AKT3: variants seen among roughly 807,000 people sequenced by gnomAD.
AKT3 encodes the protein AKT serine/threonine kinase 3.
Under a neutral mutation model 65.3 loss-of-function variants are expected in AKT3, and 15 were observed. The ratio of observed to expected loss-of-function variants is 0.23; its 90% CI spans 0.15 to 0.35. The LOEUF (loss-of-function observed/expected upper bound fraction) is 0.35, where lower values mean the gene tolerates loss of function less well. AKT3 is among the 10% of genes least tolerant of loss of function. AKT3 has a pLI of 1.00. For synonymous variants in AKT3, 206 were observed against 183.8 expected, an observed-to-expected ratio of 1.12 and a Z score of -0.98; for missense variants, 243 against 576.5, an observed-to-expected ratio of 0.42 and a Z score of 5.92.
At chr1:243,752,156 T>C (rs994558569) in intron 2 of AKT3, among the ~76,000 whole-genome samples, 2 of 152,088 alleles carry the variant, frequency 1.3e-5, no homozygotes, top group Non-Finnish European at 2.9e-5. Flanking sequence ...AATCATTAAA[T>C]GAGAGAACAT....
At chr1:243,557,357 T>C (rs1487189150) in intron 10 of AKT3, among the ~76,000 whole-genome samples, 2 of 152,050 alleles carry the variant, frequency 1.3e-5, no homozygotes, top group Non-Finnish European at 2.9e-5. Flanking sequence ...AAAATTAAAC[T>C]TCATGCTTAA....
At chr1:243,559,313 T>C (rs1385543186) in intron 10 of AKT3, among the ~76,000 whole-genome samples, 1 of 152,162 alleles carries the variant, frequency 6.6e-6, no homozygotes, top group African/African-American at 2.4e-5. Flanking sequence ...CTGTAACCTG[T>C]TAAAAACACA....
chr1:243,781,170 T>C (rs1690887367), intron 2 of AKT3, among the ~76,000 whole-genome samples: 1 of 152,126 alleles, frequency 6.6e-6, no homozygotes, highest in South Asian at 2.1e-4. Context: ...ATACCACATA[T>C]ATAAACCCTT....
chr1:243,635,277 C>G (rs1679892780), intron 6 of AKT3, among the ~76,000 whole-genome samples: 1 of 151,390 alleles, frequency 6.6e-6, no homozygotes, highest in African/African-American at 2.4e-5. Context: ...TGGGATGCCA[C>G]AAAAACAGTG....
chr1:243,661,289 G>A (rs1285192708), intron 4 of AKT3, among the ~76,000 whole-genome samples: 4 of 152,160 alleles, frequency 2.6e-5, no homozygotes, highest in African/African-American at 4.8e-5. Context: ...GAGGCATCAT[G>A]CTACCTGACT....
At position 243,699,465 on chromosome 1, in the gene AKT3, C is replaced by CTATATATATA. The variant is rs58911364; in HGVS notation, c.47-3759_47-3750dup. Among the ~76,000 whole-genome samples the CTATATATATA allele has an allele frequency of 2.2e-3, 228 of 103,488 alleles. 4 individuals carry two copies. The highest frequency in any genetic ancestry group is 4.5e-3 in the African/African-American group (92 of 20,386). The allele number at this position is 103,488 out of a possible 152,430, so 67.9% of individuals were successfully genotyped here. ...AAGACTTCCAACCCAACCTCTTCCACTATATATATATATATATATATATAT... is the reference window on the plus strand; with the variant it reads ...AAGACTTCCAACCCAACCTCTTCCACTATATATATATATATATATATATATATATATATAT... On this transcript the variant is annotated intron_variant, in intron 2 of 13. Transcript: ENST00000673466.
At chr1:243,613,553 C>A (rs61366358) in intron 8 of AKT3, 118 bp downstream of exon 8, 47 of 650,280 alleles carry the variant, frequency 7.2e-5, no homozygotes, top group Non-Finnish European at 1.0e-4. Context: ...GTATTAAGAG[C>A]TACATAAATT....
intron 8 of AKT3, among the ~76,000 whole-genome samples, chr1:243,603,701 T>G (rs529585176): frequency 6.6e-6 from 1 of 152,172 alleles, no homozygotes; most frequent in Non-Finnish European, 1.5e-5. Context: ...AAATATAGCA[T>G]GATCTGCTTA....
At chr1:243,672,111 C>T (rs1683194169) in intron 3 of AKT3, among the ~76,000 whole-genome samples, 1 of 152,158 alleles carries the variant, frequency 6.6e-6, no homozygotes, top group African/African-American at 2.4e-5. Flanking sequence ...ATGTGTTTGC[C>T]TCTGGTTCTC....
chr1:243,756,171 A>G (rs954580348), intron 2 of AKT3, among the ~76,000 whole-genome samples: 3 of 152,234 alleles, frequency 2.0e-5, no homozygotes, highest in African/African-American at 7.2e-5. Flanking sequence ...CAGATGCAGA[A>G]ATCGTAAGAA....
intron 13 of AKT3, among the ~76,000 whole-genome samples, chr1:243,492,162 G>A (rs1236295560): frequency 6.6e-6 from 1 of 151,900 alleles, no homozygotes; most frequent in Non-Finnish European, 1.5e-5. Context: ...GGCTGGCAGA[G>A]GGAGCCCCTG....
chr1:243,684,371 C>A (rs536034752), intron 3 of AKT3, among the ~76,000 whole-genome samples: 22 of 152,078 alleles, frequency 1.4e-4, no homozygotes, highest in African/African-American at 5.3e-4. Context: ...TGTGTTCTCA[C>A]TGTTCAACTC....
chr1:243,490,001 C>T (rs938939337), intron 13 of AKT3, among the ~76,000 whole-genome samples: 1 of 152,186 alleles, frequency 6.6e-6, no homozygotes, highest in African/African-American at 2.4e-5. Context: ...GTGGGCTGAC[C>T]AAGGCCTCCG....
At chr1:243,749,076 TCTCC>T (rs1211997147) in intron 2 of AKT3, among the ~76,000 whole-genome samples, 3 of 152,108 alleles carry the variant, frequency 2.0e-5, no homozygotes, top group Non-Finnish European at 4.4e-5. Context: ...TCCTTCATTC[TCTCC>T]CTATTTTCTC....
At chr1:243,724,244 G>GGAA (rs1416874364) in intron 2 of AKT3, among the ~76,000 whole-genome samples, 1 of 146,868 alleles carries the variant, frequency 6.8e-6, no homozygotes, top group African/African-American at 2.5e-5. Context: ...AAAATTGAGG[G>GGAA]GAAAAAAAAA....
chr1:243,501,410 C>T lies in AKT3; in HGVS notation c.*3839G>A, dbSNP rs1669286492. 4.3e-6 allele frequency: 1 copy of T among 233,210 alleles called. No homozygotes were observed. Among genetic ancestry groups the T allele is most frequent in the African/African-American group, 2.2e-5 (1 of 45,444 alleles). 14.4% of individuals were successfully genotyped at this position (233,210 alleles called of 1,614,324 possible). On this transcript the variant is annotated 3_prime_UTR_variant, in exon 14 of 14. Transcript: ENST00000673466. ...CATTCCTTCAGATTCTGGGTCCAAA[C>T]CGTGTGTTGTATAGATGATTCGGGT...
chr1:243,811,913 C>T (rs575750849), intron 2 of AKT3, among the ~76,000 whole-genome samples: 1 of 152,140 alleles, frequency 6.6e-6, no homozygotes, highest in African/African-American at 2.4e-5. Flanking sequence ...CAAAAACAAG[C>T]AATGGGGAAA....
intron 2 of AKT3, among the ~76,000 whole-genome samples, chr1:243,792,735 G>T (rs1185804141): frequency 6.6e-6 from 1 of 152,130 alleles, no homozygotes; most frequent in Non-Finnish European, 1.5e-5. Flanking sequence ...TATCTCTGTA[G>T]GAAGAAAAGC....
chr1:243,803,649 C>G (rs971626806), intron 2 of AKT3, among the ~76,000 whole-genome samples: 2 of 13,020 alleles, frequency 1.5e-4, no homozygotes, highest in African/African-American at 5.5e-4. Context: ...TACATGTACA[C>G]ACACACACAC....
Sources: gnomAD v4.1 joint callset for allele counts (sites outside exome capture counted in the v4.1 genomes callset) on GRCh38, gnomAD v4.1.1 for gene constraint, MANE v1.5 for transcripts, NCBI Gene and HGNC (gene_info 2026-07-23, HGNC 2026-07-21) for gene names.